The following TAFA4 variants were observed in gnomAD, a reference collection of about 807,000 sequenced individuals.
TAFA4 encodes the protein TAFA chemokine like family member 4.
In TAFA4, 20 loss-of-function variants were observed where a neutral mutation model predicts 21.1. The observed-to-expected ratio is 0.95, with a 90% CI of 0.67 to 1.38. The LOEUF (loss-of-function observed/expected upper bound fraction) is 1.38. Ranked by LOEUF, TAFA4 falls within the 40% of genes most tolerant of loss-of-function variation. TAFA4 has a pLI of 0.00. For synonymous variants in TAFA4, 71 were observed against 67.4 expected (o/e 1.05, Z -0.26); for missense variants, 211 against 180.9 (o/e 1.17, Z -0.95).
chr3:68,753,460 C>T (rs993105496), intron 3 of TAFA4, among the ~76,000 whole-genome samples: 4 of 151,678 alleles, frequency 2.6e-5, no homozygotes, highest in Non-Finnish European at 4.4e-5. Context: ...CTCAGCCTCC[C>T]GAGTAACTGG....
At chr3:68,897,517 T>G (rs112292871) in intron 1 of TAFA4, among the ~76,000 whole-genome samples, 1,921 of 151,930 alleles carry the variant, frequency 0.013, 28 homozygotes, top group Middle Eastern at 0.02. Context: ...TCCCAGCTAC[T>G]TGGGAGGCTG....
At chr3:68,929,598 G>A (rs898147974) in intron 1 of TAFA4, among the ~76,000 whole-genome samples, 3 of 152,320 alleles carry the variant, frequency 2.0e-5, no homozygotes, top group East Asian at 3.9e-4. Flanking sequence ...AAAAGCAAAA[G>A]ATTAGTCCAT....
At chr3:68,735,675 C>T (rs878941437) in intron 5 of TAFA4, among the ~76,000 whole-genome samples, 7 of 152,032 alleles carry the variant, frequency 4.6e-5, no homozygotes, top group Admixed American at 4.6e-4. Context: ...GAAGACAAAA[C>T]TGTTGCTTCC....
chr3:68,836,295 C>T (rs139505319), intron 3 of TAFA4, among the ~76,000 whole-genome samples: 16 of 152,322 alleles, frequency 1.1e-4, no homozygotes, highest in Admixed American at 9.8e-4. Flanking sequence ...TGCCAAACCA[C>T]AGCTTTACTC....
chr3:68,882,341 G>A (rs1245073167), intron 2 of TAFA4, among the ~76,000 whole-genome samples: 1 of 151,542 alleles, frequency 6.6e-6, no homozygotes, highest in Non-Finnish European at 1.5e-5. Flanking sequence ...AAAAAAGAAA[G>A]AAATTGAATT....
At chr3:68,749,203 G>C (rs1207579330) in intron 4 of TAFA4, among the ~76,000 whole-genome samples, 1 of 152,150 alleles carries the variant, frequency 6.6e-6, no homozygotes, top group African/African-American at 2.4e-5. Flanking sequence ...AAGGGGAACA[G>C]CTAATTATTT....
intron 3 of TAFA4, among the ~76,000 whole-genome samples, chr3:68,831,638 G>C (rs146146096): frequency 2.6e-5 from 4 of 152,104 alleles, no homozygotes; most frequent in African/African-American, 7.2e-5. Flanking sequence ...TTTCAACCTT[G>C]GTGAATCTGG....
intron 4 of TAFA4, among the ~76,000 whole-genome samples, chr3:68,744,606 C>T (rs1036818844): frequency 6.6e-6 from 1 of 152,052 alleles, no homozygotes; most frequent in African/African-American, 2.4e-5. Flanking sequence ...ACTTACTGAA[C>T]CCATGGGGAC....
At chr3:68,747,384 GTTTT>G (rs71792345) in intron 4 of TAFA4, among the ~76,000 whole-genome samples, 1 of 151,056 alleles carries the variant, frequency 6.6e-6, no homozygotes, top group South Asian at 2.1e-4. Flanking sequence ...ATGGGGGTGG[GTTTT>G]TTTTTCCCAT....
chr3:68,854,466 T>C lies in TAFA4; in HGVS notation c.130+26264A>G, dbSNP rs554124477. Among the ~76,000 whole-genome samples, 4 of 152,136 alleles carry C rather than the reference T, an allele frequency of 2.6e-5. No individual in the cohort carries two copies. In the East Asian group the frequency reaches 5.8e-4, roughly 22 times the overall value. On this transcript the variant is annotated intron_variant, in intron 3 of 5. Transcript: ENST00000295569. ...GAAAATGTTCTAGATTCATATACAT[T>C]TTCACTAATGGTCAAAAGGCCGTGT... is the stretch of plus-strand genomic sequence containing the variant.
At chr3:68,822,005 C>A (rs553957457) in intron 3 of TAFA4, among the ~76,000 whole-genome samples, 36 of 152,222 alleles carry the variant, frequency 2.4e-4, no homozygotes, top group Admixed American at 2.2e-3. Context: ...TCCTATTGAG[C>A]CTCATGTTAA....
chr3:68,932,002 C>T (rs2090163916), intron 1 of TAFA4, among the ~76,000 whole-genome samples: 1 of 152,174 alleles, frequency 6.6e-6, no homozygotes, highest in Non-Finnish European at 1.5e-5. Context: ...TGCCTCTCTC[C>T]AGCCACACAT....
chr3:68,813,103 A>C (rs10446363), intron 3 of TAFA4, among the ~76,000 whole-genome samples: 95,783 of 151,366 alleles, frequency 0.63, 31,033 homozygotes, highest in East Asian at 0.98. Flanking sequence ...TGAAGGCAGA[A>C]ATAAAGATGT....
chr3:68,803,245 T>C lies in TAFA4; in HGVS notation c.131-50227A>G, dbSNP rs548524665. ...TCTGTGCTAGATAATGAGAAATAAA[T>C]AGATGAATAATTTAAAGAGAACAAT... is the stretch of plus-strand genomic sequence containing the variant. On this transcript the variant is annotated intron_variant, in intron 3 of 5. Transcript: ENST00000295569. Among the ~76,000 whole-genome samples, 165 of 152,346 alleles carry C rather than the reference T, an allele frequency of 1.1e-3. 1 individual carries two copies. The highest frequency in any genetic ancestry group is 3.6e-3 in the African/African-American group (150 of 41,590).
intron 1 of TAFA4, among the ~76,000 whole-genome samples, chr3:68,912,460 G>A (rs910803405): frequency 1.3e-5 from 2 of 152,228 alleles, no homozygotes; most frequent in African/African-American, 4.8e-5. Context: ...GAAATGGGAT[G>A]AGCCACACTA....
chr3:68,925,067 T>C (rs545509204), intron 1 of TAFA4, among the ~76,000 whole-genome samples: 2 of 152,278 alleles, frequency 1.3e-5, no homozygotes, highest in Non-Finnish European at 2.9e-5. Flanking sequence ...TGGAGTTCCG[T>C]GCTTCTAAGC....
intron 3 of TAFA4, among the ~76,000 whole-genome samples, chr3:68,872,530 C>T (rs1292633818): frequency 1.3e-5 from 2 of 151,878 alleles, no homozygotes; most frequent in Non-Finnish European, 2.9e-5. Context: ...AGTTTTAGTT[C>T]AAAATAGCTA....
rs76345334 is a variant in TAFA4, at chr3:68,914,315, G to C, written c.-123+17925C>G. Among the ~76,000 whole-genome samples, 1,969 of 152,288 alleles carry C rather than the reference G, an allele frequency of 0.013. 140 individuals carry two copies. The East Asian group carries it at 0.18, about 14-fold the overall frequency. ...GAGAAAAAAGTAAGTTCTACTGGTA[G>C]TGGTGTGTATGACTAGGAGGGTTAC... On this transcript the variant is annotated intron_variant, in intron 1 of 5. Coordinates refer to ENST00000295569, the MANE Select transcript of TAFA4 (RefSeq NM_182522.5).
At chr3:68,925,170 T>C in intron 1 of TAFA4, among the ~76,000 whole-genome samples, 1 of 152,202 alleles carries the variant, frequency 6.6e-6, no homozygotes, top group Admixed American at 6.5e-5. Context: ...TAACCAATTT[T>C]ATGGCTCTTT....
Sources: gnomAD v4.1 joint callset for allele counts (sites outside exome capture counted in the v4.1 genomes callset) on GRCh38, gnomAD v4.1.1 for gene constraint, MANE v1.5 for transcripts, NCBI Gene and HGNC (gene_info 2026-07-23, HGNC 2026-07-21) for gene names.